THBS4: variants seen among roughly 807,000 people sequenced by gnomAD.
THBS4 encodes thrombospondin 4.
A neutral mutation model predicts 115.7 loss-of-function variants in THBS4; 90 were observed. The observed-to-expected ratio is 0.78, with a 90% confidence interval of 0.66 to 0.93. The LOEUF (loss-of-function observed/expected upper bound fraction) is 0.93. Ranked by LOEUF, THBS4 falls within the 40% of genes least tolerant of loss-of-function variation. THBS4 has a pLI of 0.00. For synonymous variants in THBS4, 460 were observed against 479.3 expected (o/e 0.96, Z 0.53); for missense variants, 1,087 against 1,232.7 (o/e 0.88, Z 1.77).
intron 2 of THBS4, among the ~76,000 whole-genome samples, chr5:80,048,040 A>T (rs1479876576): frequency 6.6e-6 from 1 of 152,132 alleles, no homozygotes; most frequent in Non-Finnish European, 1.5e-5. Context: ...ACTTGAGCCC[A>T]GGAGTCTGAG....
chr5:80,070,421 T>TG lies in THBS4; in HGVS notation c.1452+15dup, dbSNP rs776355368. 2.7e-5 allele frequency: 43 copies of TG among 1,612,520 alleles called. No individual in the cohort carries two copies. The highest frequency in any genetic ancestry group is 6.7e-5 in the East Asian group (3 of 44,878). On this transcript the variant is annotated intron_variant, in intron 11 of 21. Transcript: ENST00000350881. ...AGGAACTGTAAAAAGGTAAGGGGTG[T>TG]GGGGTGGCAGTAGGCACACATGCAC...
At chr5:80,045,994 ATAAT>A (rs1324381693) in intron 2 of THBS4, among the ~76,000 whole-genome samples, 1 of 152,226 alleles carries the variant, frequency 6.6e-6, no homozygotes, top group African/African-American at 2.4e-5. Flanking sequence ...CAAAACTATA[ATAAT>A]TAGGACAAAA....
At chr5:80,078,784 A>T in intron 17 of THBS4, 137 bp from the exon 18 acceptor site, 1 of 701,666 alleles carries the variant, frequency 1.4e-6, no homozygotes, top group Non-Finnish European at 2.3e-6. Context: ...TAGAGCAACT[A>T]TTTCAGATAA....
In THBS4 at chr5:80,082,538, C is replaced by G. The variant is rs748171970; in HGVS notation, c.2817C>G (p.Arg939=). The change falls in exon 21 of 22, where the codon CGC becomes CGG. Residue 939 remains arginine, a synonymous_variant. Coordinates refer to ENST00000350881, the MANE Select transcript of THBS4 (RefSeq NM_003248.6). Reference sequence around the variant, plus strand: ...TCATCTGGTCCAACCTCAAGTATCGCTGCAATGGTAATGTGCATTCTCGTT... The same window carrying G: ...TCATCTGGTCCAACCTCAAGTATCGGTGCAATGGTAATGTGCATTCTCGTT... The part of the protein sequence containing the change: ...ENIIWSNLKY[R]CNDTIPEDFQ... The G allele has an allele frequency of 2.5e-6, 4 of 1,614,072 alleles. No individual in the cohort carries two copies. In the African/African-American group the frequency reaches 5.3e-5, roughly 22 times the overall value.
chr5:80,001,933 T>G (rs1831907489), intron 2 of THBS4, among the ~76,000 whole-genome samples: 1 of 152,196 alleles, frequency 6.6e-6, no homozygotes, highest in Non-Finnish European at 1.5e-5. Flanking sequence ...TTCATAGACA[T>G]TCTTCAAATT....
At chr5:80,062,930 A>G (rs1256015371) in intron 8 of THBS4, among the ~76,000 whole-genome samples, 1 of 152,176 alleles carries the variant, frequency 6.6e-6, no homozygotes, top group Non-Finnish European at 1.5e-5. Flanking sequence ...AATCCAGTCT[A>G]TCATTGATGG....
intron 1 of THBS4, chr5:79,991,513 G>A: frequency 2.9e-6 from 1 of 344,372 alleles, no homozygotes; most frequent in Non-Finnish European, 5.2e-6. Context: ...CATTAAATCT[G>A]TGTGATGCCT....
intron 2 of THBS4, among the ~76,000 whole-genome samples, chr5:80,000,083 A>G (rs1349748153): frequency 1.3e-5 from 2 of 152,204 alleles, no homozygotes; most frequent in Non-Finnish European, 2.9e-5. Context: ...GGAGAATGGC[A>G]TATTAACTTC....
chr5:80,026,681 A>G (rs1832483297), intron 2 of THBS4, among the ~76,000 whole-genome samples: 1 of 152,264 alleles, frequency 6.6e-6, no homozygotes, highest in Non-Finnish European at 1.5e-5. Flanking sequence ...TTAAATTCCA[A>G]TCATTTAAAA....
intron 2 of THBS4, among the ~76,000 whole-genome samples, chr5:80,003,727 A>C (rs1831957403): frequency 1.3e-5 from 2 of 152,256 alleles, no homozygotes; most frequent in Non-Finnish European, 2.9e-5. Context: ...TGCCTTCGCC[A>C]AATTCAAAAT....
chr5:80,072,036 T>C (rs538954307), intron 13 of THBS4: 12 of 458,968 alleles, frequency 2.6e-5, no homozygotes, highest in African/African-American at 2.3e-4. Flanking sequence ...TCGTGGTTGC[T>C]ATCATAGCCC....
At chr5:80,036,116 T>G (rs181373559) in intron 1 of THBS4, 3 of 986,144 alleles carry the variant, frequency 3.0e-6, no homozygotes, top group South Asian at 4.7e-5. Flanking sequence ...CTGCTCTGAC[T>G]TTGCTTGAAC....
upstream of THBS4, among the ~76,000 whole-genome samples, chr5:80,034,302 G>A (rs2112011638): frequency 6.6e-6 from 1 of 152,292 alleles, no homozygotes; most frequent in South Asian, 2.1e-4. Flanking sequence ...GATAATTGGT[G>A]TCAGGTTATT....
At chr5:80,071,889 A>G (rs1239823680) in intron 13 of THBS4, 1 of 188,416 alleles carries the variant, frequency 5.3e-6, no homozygotes, top group Non-Finnish European at 1.1e-5. Context: ...ATCAAACACA[A>G]AACTGAAAAG....
At chr5:80,019,190 T>C (rs890761197) in intron 2 of THBS4, among the ~76,000 whole-genome samples, 2 of 152,142 alleles carry the variant, frequency 1.3e-5, no homozygotes, top group African/African-American at 4.8e-5. Context: ...TTGAATCTAA[T>C]CATGAGAAAT....
In THBS4 at chr5:80,082,543, A is replaced by G. The variant is rs771844152; in HGVS notation, c.2822A>G (p.Asn941Ser). The G allele has an allele frequency of 5.0e-6, 8 of 1,614,058 alleles. No homozygotes were observed. Among genetic ancestry groups the G allele is most frequent in the South Asian group, 3.3e-5 (3 of 91,086 alleles). Residue 941 changes from asparagine (N) to serine (S), a missense_variant and splice_region_variant, in exon 21 of 22, where the codon AAT becomes AGT. Transcript: ENST00000350881. ...TGGTCCAACCTCAAGTATCGCTGCA[A>G]TGGTAATGTGCATTCTCGTTACTGT... ...IIWSNLKYRCNDTIPEDFQEF... is the reference protein window; with the variant it reads ...IIWSNLKYRCSDTIPEDFQEF...
chr5:80,043,721 C>G (rs931894253), intron 2 of THBS4, among the ~76,000 whole-genome samples: 3 of 152,204 alleles, frequency 2.0e-5, no homozygotes, highest in African/African-American at 7.2e-5. Flanking sequence ...GAGTTTGCCA[C>G]TGAGCTCTCT....
At chr5:80,072,095 C>T (rs1354543567) in intron 13 of THBS4, 183 bp from the exon 14 acceptor site, 8 of 639,732 alleles carry the variant, frequency 1.3e-5, no homozygotes, top group South Asian at 1.8e-5. Flanking sequence ...CCTCTGAGAG[C>T]TGTTCATTTT....
Position 80,079,360 on chromosome 5 carries a change from A to G in THBS4, c.2511+102A>G, listed in dbSNP as rs1163924870. ...GTGGTACTTAGTTAATCTAAAAAAAATTGATGCATTTATGCTAACGTTAGA... is the reference window on the plus strand; with the variant it reads ...GTGGTACTTAGTTAATCTAAAAAAAGTTGATGCATTTATGCTAACGTTAGA... On this transcript the variant is annotated intron_variant, in intron 19 of 21. Coordinates refer to ENST00000350881, the MANE Select transcript of THBS4 (RefSeq NM_003248.6). 3.9e-6 allele frequency: 5 copies of G among 1,273,348 alleles called. No individual in the cohort carries two copies. In the African/African-American group the frequency reaches 4.5e-5, roughly 11 times the overall value. The allele number at this position is 1,273,348 out of a possible 1,614,324, so 78.9% of individuals were successfully genotyped here. A position where few individuals can be genotyped will look rare whatever the true frequency, so the allele number is the denominator to read the frequency against.
Sources: allele counts gnomAD v4.1 joint callset (sites outside exome capture counted in the v4.1 genomes callset), GRCh38; gene constraint gnomAD v4.1.1; transcripts MANE v1.5; gene names NCBI Gene and HGNC (gene_info 2026-07-23, HGNC 2026-07-21).